Variants in TNFAIP8L3 observed in about 807,000 individuals in gnomAD.
TNFAIP8L3 encodes TNF alpha induced protein 8 like 3, also known as tumor necrosis factor alpha-induced protein 8-like protein 3.
Under a neutral mutation model 11.8 loss-of-function variants are expected in TNFAIP8L3, and 7 were observed. The observed-to-expected ratio is 0.59, with a 90% CI of 0.34 to 1.11. TNFAIP8L3 has a LOEUF of 1.11. TNFAIP8L3 is among the 50% of genes most tolerant of loss of function. The pLI is 0.03. For missense variants in TNFAIP8L3, 219 were observed against 258.6 expected (o/e 0.85, Z 1.05); for synonymous variants, 98 against 103.8 (o/e 0.94, Z 0.34).
intron 1 of TNFAIP8L3, chr15:51,064,496 A>G (rs1031957534): frequency 7.2e-5 from 11 of 152,126 alleles, no homozygotes; most frequent in African/African-American, 2.7e-4. Flanking sequence ...ATATATGTAT[A>G]TGACATATAT....
intron 1 of TNFAIP8L3, among the ~76,000 whole-genome samples, chr15:51,073,493 C>T (rs2065327059): frequency 6.6e-6 from 1 of 152,146 alleles, no homozygotes; most frequent in Non-Finnish European, 1.5e-5. Context: ...ATTACAGTTT[C>T]TAAATGGTTA....
Position 51,057,886 on chromosome 15 carries a change from G to A in TNFAIP8L3, c.610C>T (p.Leu204Phe). The change falls in exon 2 of 2, where the codon CTT (leucine) becomes TTT (phenylalanine). Residue 204 changes from leucine (L) to phenylalanine (F), a missense_variant. Leu to Phe is a conservative substitution (Grantham distance 22). Coordinates refer to ENST00000637513, the MANE Select transcript of TNFAIP8L3 (RefSeq NM_001311175.2). ...GINKLLDEKV[L>F] ...TCCAGTAGGAGGGAAGGCATTTAAA[G>A]GACTTTCTCATCTAGCAACTTATTG... 1 of 1,572,050 alleles carries A rather than the reference G, an allele frequency of 6.4e-7. No homozygotes were observed. The highest frequency in any genetic ancestry group is 8.6e-7 in the Non-Finnish European group (1 of 1,159,420).
At position 51,058,400 on chromosome 15, in the gene TNFAIP8L3, C is replaced by G. The variant is rs201616096; in HGVS notation, c.96G>C (p.Gln32His). Reference sequence around the variant, plus strand: ...TGGCTATTTTGCTCAGAATCTTCTTCTGGGCTTGAAGCGCAAGACTCTTTG... The same window carrying G: ...TGGCTATTTTGCTCAGAATCTTCTTGTGGGCTTGAAGCGCAAGACTCTTTG... Reference protein sequence around the residue: ...FSSKSLALQAQKKILSKIASK... With the variant: ...FSSKSLALQAHKKILSKIASK... The change falls in exon 2 of 2, where the codon CAG (glutamine) becomes CAC (histidine). Residue 32 changes from glutamine (Q) to histidine (H), a missense_variant. Coordinates refer to ENST00000637513, the MANE Select transcript of TNFAIP8L3 (RefSeq NM_001311175.2). 1.7e-5 allele frequency: 27 copies of G among 1,612,104 alleles called. No homozygotes were observed. Among genetic ancestry groups the G allele is most frequent in the Admixed American group, 1.0e-4 (6 of 59,894 alleles).
chr15:51,058,481 A>T, intron 1 of TNFAIP8L3, 38 bp from the exon 2 acceptor site: 1 of 1,426,652 alleles, frequency 7.0e-7, no homozygotes, highest in Non-Finnish European at 9.2e-7. Context: ...TTTTAGAAAT[A>T]TAAGAACTGT....
intron 1 of TNFAIP8L3, among the ~76,000 whole-genome samples, chr15:51,074,480 G>C (rs1176134948): frequency 6.6e-6 from 1 of 152,232 alleles, no homozygotes; most frequent in Non-Finnish European, 1.5e-5. Flanking sequence ...CACATGGTAG[G>C]ATTCCCTTCT....
At chr15:51,104,913 C>T in intron 1 of TNFAIP8L3, 1 of 1,510,552 alleles carries the variant, frequency 6.6e-7, no homozygotes, top group South Asian at 1.1e-5. Context: ...GATGCCAGCT[C>T]TGTGCATCCT....
chr15:51,085,200 A>T (rs892220725), intron 1 of TNFAIP8L3, among the ~76,000 whole-genome samples: 6 of 152,162 alleles, frequency 3.9e-5, no homozygotes, highest in Non-Finnish European at 5.9e-5. Context: ...TAAAAAAAAA[A>T]ATCAATCTAA....
At chr15:51,092,329 A>G (rs2065477435) in intron 1 of TNFAIP8L3, among the ~76,000 whole-genome samples, 1 of 152,268 alleles carries the variant, frequency 6.6e-6, no homozygotes, top group Non-Finnish European at 1.5e-5. Flanking sequence ...TTTCTTGTAG[A>G]GACAAAGGTC....
Position 51,089,438 on chromosome 15 carries a change from C to T in TNFAIP8L3, c.52+5106G>A, listed in dbSNP as rs2140979938. On this transcript the variant is annotated intron_variant, in intron 1 of 1. Coordinates refer to ENST00000637513, the MANE Select transcript of TNFAIP8L3 (RefSeq NM_001311175.2). The stretch of plus-strand genomic sequence containing the variant: ...GGATATGTGGTTGTGGATATGATGC[C>T]AGGTAAGGGAGGTGAGGAGTCTTCA... Among the ~76,000 whole-genome samples the T allele has an allele frequency of 2.0e-5, 3 of 152,234 alleles. 1 individual carries two copies. In the East Asian group the frequency reaches 5.8e-4, roughly 29 times the overall value.
intron 1 of TNFAIP8L3, among the ~76,000 whole-genome samples, chr15:51,070,077 A>G (rs1567288963): frequency 6.6e-6 from 1 of 152,230 alleles, no homozygotes; most frequent in Admixed American, 6.5e-5. Flanking sequence ...GGAATTCTGT[A>G]TATTTCAACA....
At chr15:51,058,718 C>T (rs1441455804) in intron 1 of TNFAIP8L3, among the ~76,000 whole-genome samples, 6 of 152,140 alleles carry the variant, frequency 3.9e-5, no homozygotes, top group Non-Finnish European at 7.3e-5. Flanking sequence ...CAAATCTTAC[C>T]TTTTTAAACC....
chr15:51,067,448 A>G (rs2140966737), intron 1 of TNFAIP8L3, among the ~76,000 whole-genome samples: 1 of 152,318 alleles, frequency 6.6e-6, no homozygotes, highest in African/African-American at 2.4e-5. Context: ...AGCAGCCTCC[A>G]CTAGGCACCA....
intron 1 of TNFAIP8L3, chr15:51,104,978 T>C: frequency 6.2e-7 from 1 of 1,614,052 alleles, no homozygotes. Context: ...TACTTCCTTC[T>C]CTGCCAGTTC....
At chr15:51,076,852 A>C (rs2065354131) in intron 1 of TNFAIP8L3, among the ~76,000 whole-genome samples, 1 of 152,126 alleles carries the variant, frequency 6.6e-6, no homozygotes, top group Non-Finnish European at 1.5e-5. Context: ...AGATTCTGCT[A>C]ATTTGCTTTC....
At chr15:51,070,832 G>T (rs977105624) in intron 1 of TNFAIP8L3, among the ~76,000 whole-genome samples, 4 of 151,126 alleles carry the variant, frequency 2.6e-5, no homozygotes, top group Non-Finnish European at 5.9e-5. Flanking sequence ...GGATCACGAG[G>T]TCAGGAGATC....
intron 1 of TNFAIP8L3, among the ~76,000 whole-genome samples, chr15:51,070,768 CG>C (rs2065302243): frequency 6.6e-6 from 1 of 152,064 alleles, no homozygotes; most frequent in African/African-American, 2.4e-5. Flanking sequence ...ATTTTCTGGC[CG>C]GGCGCGGTGG....
chr15:51,075,989 A>G (rs1595611717), intron 1 of TNFAIP8L3, among the ~76,000 whole-genome samples: 1 of 152,220 alleles, frequency 6.6e-6, no homozygotes, highest in African/African-American at 2.4e-5. Context: ...GGCAGACAGC[A>G]TTATGGCTTC....
chr15:51,086,718 A>G (rs1269234722), intron 1 of TNFAIP8L3, among the ~76,000 whole-genome samples: 2 of 152,236 alleles, frequency 1.3e-5, no homozygotes, highest in Admixed American at 1.3e-4. Flanking sequence ...ATAAGGATCA[A>G]CTACCATATA....
chr15:51,103,082 C>G (rs574139152), intron 1 of TNFAIP8L3, among the ~76,000 whole-genome samples: 163 of 152,240 alleles, frequency 1.1e-3, no homozygotes, highest in Middle Eastern at 6.8e-3. Flanking sequence ...CCATTCCTCT[C>G]TTCTATCTAT....
Sources: allele counts gnomAD v4.1 joint callset (sites outside exome capture counted in the v4.1 genomes callset), GRCh38; gene constraint gnomAD v4.1.1; transcripts MANE v1.5; gene names NCBI Gene and HGNC (gene_info 2026-07-23, HGNC 2026-07-21).